The following IQSEC1 variants were observed in gnomAD, a reference collection of about 807,000 sequenced individuals.
IQSEC1 encodes the protein IQ motif and SEC7 domain-containing protein 1.
In IQSEC1, 31 loss-of-function variants were observed where a neutral mutation model predicts 91.0. The observed-to-expected ratio is 0.34, with a 90% confidence interval of 0.26 to 0.46. The LOEUF (loss-of-function observed/expected upper bound fraction) is 0.46. IQSEC1 is among the 20% of genes least tolerant of loss of function. The pLI, the probability that IQSEC1 is intolerant of heterozygous loss-of-function variation, is 1.00. For missense variants in IQSEC1, 1,388 were observed against 1,575.6 expected (o/e 0.88, Z 2.02); for synonymous variants, 699 against 662.6 (o/e 1.05, Z -0.84).
rs1340353526 is a variant in IQSEC1, at chr3:12,992,647, G to A, written c.24-50782C>T. 1.3e-5 allele frequency among the ~76,000 whole-genome samples: 2 copies of A among 152,194 alleles called. No individual in the cohort carries two copies. Among genetic ancestry groups the A allele is most frequent in the African/African-American group, 2.4e-5 (1 of 41,438 alleles). ...AACCAGACCCCTGCTCCCAGTCTAG[G>A]ACAGGTCCCTCACCACCACAGATCA... On this transcript the variant is annotated intron_variant, in intron 1 of 13. Transcript: ENST00000613206. The surrounding 1 kb of genome is among the most constrained non-coding windows in gnomAD (Gnocchi z 4.1).
chr3:12,910,933 C>T (rs898179295), intron 10 of IQSEC1, among the ~76,000 whole-genome samples: 3 of 152,186 alleles, frequency 2.0e-5, no homozygotes, highest in Non-Finnish European at 2.9e-5. Context: ...CAGCCTCCAA[C>T]AGGGAAGGGA....
At chr3:13,131,654 CTT>C (rs1317117040) in intron 2 of IQSEC1, among the ~76,000 whole-genome samples, 4 of 151,786 alleles carry the variant, frequency 2.6e-5, no homozygotes, top group Non-Finnish European at 5.9e-5. Flanking sequence ...ATGTGGCTAA[CTT>C]TTGTATTTTT....
At chr3:13,134,808 C>T (rs1490315490) in intron 2 of IQSEC1, among the ~76,000 whole-genome samples, 1 of 152,158 alleles carries the variant, frequency 6.6e-6, no homozygotes, top group Non-Finnish European at 1.5e-5. Flanking sequence ...GCTGAGACCT[C>T]CCTGAAGCAG....
At chr3:13,219,760 C>T (rs954916510) in intron 1 of IQSEC1, among the ~76,000 whole-genome samples, 7 of 152,230 alleles carry the variant, frequency 4.6e-5, no homozygotes, top group African/African-American at 1.7e-4. Context: ...TGCCACGTGG[C>T]CACCAGAGGT....
chr3:13,115,163 A>G (rs1327928466), intron 2 of IQSEC1, among the ~76,000 whole-genome samples: 2 of 152,168 alleles, frequency 1.3e-5, no homozygotes, highest in Non-Finnish European at 2.9e-5. Context: ...TGGCTGAGTG[A>G]GCAATGTAAC....
In IQSEC1 at chr3:12,899,438, C is replaced by T. The variant is rs982674978; in HGVS notation, c.*1545G>A. 2 of 1,609,786 alleles carry T rather than the reference C, an allele frequency of 1.2e-6. No individual in the cohort carries two copies. The highest frequency in any genetic ancestry group is 1.7e-6 in the Non-Finnish European group (2 of 1,178,676). On this transcript the variant is annotated 3_prime_UTR_variant, in exon 14 of 14. Coordinates refer to ENST00000613206, the MANE Select transcript of IQSEC1 (RefSeq NM_001134382.3). ...GCAGTGGCTCGAAAGGCTGAAACTA[C>T]AAAGTATGGCCCGTGGGTGACTCGG...
At chr3:13,021,971 T>C (rs1203682351) in intron 1 of IQSEC1, 8 of 1,129,224 alleles carry the variant, frequency 7.1e-6, no homozygotes, top group Non-Finnish European at 8.9e-6. Context: ...TGTACAGCCA[T>C]GCAAACCATC....
intron 2 of IQSEC1, among the ~76,000 whole-genome samples, chr3:13,107,372 G>A (rs17833015): frequency 0.068 from 10,302 of 152,310 alleles, 436 homozygotes; most frequent in Middle Eastern, 0.18. Context: ...GCCCCCTGCG[G>A]TTGCTATAGT....
intron 1 of IQSEC1, among the ~76,000 whole-genome samples, chr3:13,184,539 C>T (rs1693898793): frequency 6.6e-6 from 1 of 152,130 alleles, no homozygotes; most frequent in South Asian, 2.1e-4. Context: ...GATCGAGAAC[C>T]GGGCCAGGAC....
chr3:13,278,253 C>T (rs938070960), intron 1 of IQSEC1, among the ~76,000 whole-genome samples: 2 of 152,142 alleles, frequency 1.3e-5, no homozygotes, highest in Non-Finnish European at 1.5e-5. Context: ...GGGCTTCCCC[C>T]CCCCACCCCC....
intron 12 of IQSEC1, among the ~76,000 whole-genome samples, chr3:12,907,945 T>C (rs964367028): frequency 6.6e-6 from 1 of 151,792 alleles, no homozygotes; most frequent in Non-Finnish European, 1.5e-5. Flanking sequence ...CCAGACAGAT[T>C]AGAGGGTTCC....
At chr3:13,076,611 A>G (rs918936851), upstream of IQSEC1, among the ~76,000 whole-genome samples, 6 of 152,176 alleles carry the variant, frequency 3.9e-5, no homozygotes, top group African/African-American at 1.4e-4. Flanking sequence ...CCAGGGATTC[A>G]GGATCTTCAT....
At chr3:13,280,842 C>T (rs111817793) in intron 1 of IQSEC1, among the ~76,000 whole-genome samples, 3,283 of 152,372 alleles carry the variant, frequency 0.022, 52 homozygotes, top group African/African-American at 0.049. Flanking sequence ...AGGCAATGCT[C>T]TCCCTCACAG....
intron 1 of IQSEC1, among the ~76,000 whole-genome samples, chr3:13,252,254 TG>T (rs1167833728): frequency 1.3e-5 from 2 of 152,156 alleles, no homozygotes; most frequent in African/African-American, 4.8e-5. Flanking sequence ...TCTCTACAAA[TG>T]TGACTACTCC....
At chr3:12,973,751 TAAAC>T (rs984934187) in intron 1 of IQSEC1, among the ~76,000 whole-genome samples, 1 of 152,164 alleles carries the variant, frequency 6.6e-6, no homozygotes, top group Non-Finnish European at 1.5e-5. Flanking sequence ...AAAAATTAAA[TAAAC>T]AAAGTGGCTT....
chr3:12,958,455 G>C (rs1489215835), intron 1 of IQSEC1, among the ~76,000 whole-genome samples: 1 of 152,180 alleles, frequency 6.6e-6, no homozygotes, highest in Non-Finnish European at 1.5e-5. Flanking sequence ...CACCCAGCAG[G>C]GCTGCTGTGA....
At chr3:13,010,108 G>A (rs531975722) in intron 1 of IQSEC1, among the ~76,000 whole-genome samples, 43 of 152,366 alleles carry the variant, frequency 2.8e-4, no homozygotes, top group Non-Finnish European at 4.0e-4. Flanking sequence ...GGGCTGACCC[G>A]AAGGGATGAT....
At chr3:13,142,968 T>C (rs2124941723) in intron 2 of IQSEC1, among the ~76,000 whole-genome samples, 1 of 152,312 alleles carries the variant, frequency 6.6e-6, no homozygotes, top group East Asian at 1.9e-4. Context: ...TGGTCCTTCA[T>C]TTCCTCCTGT....
At chr3:13,119,369 A>C (rs1706387849) in intron 2 of IQSEC1, among the ~76,000 whole-genome samples, 1 of 152,196 alleles carries the variant, frequency 6.6e-6, no homozygotes, top group South Asian at 2.1e-4. Context: ...ACAATTTAAA[A>C]ACTGAATTTG....
Sources: allele counts gnomAD v4.1 joint callset (sites outside exome capture counted in the v4.1 genomes callset), GRCh38; gene constraint gnomAD v4.1.1; non-coding constraint Gnocchi (gnomAD v3.1); transcripts MANE v1.5; gene names NCBI Gene and HGNC (gene_info 2026-07-23, HGNC 2026-07-21).